CCDC180: variants seen among roughly 807,000 people sequenced by gnomAD.
CCDC180 encodes the protein coiled-coil domain containing 180.
CCDC180 carries 154 observed loss-of-function variants against 209.2 expected under a neutral mutation model. The observed-to-expected ratio is 0.74, with a 90% CI of 0.65 to 0.84. The LOEUF (loss-of-function observed/expected upper bound fraction) is 0.84, where lower values mean the gene tolerates loss of function less well. Ranked by LOEUF, CCDC180 falls within the 40% of genes least tolerant of loss-of-function variation. CCDC180 has a pLI of 0.00. For synonymous variants in CCDC180, 778 were observed against 749.1 expected (o/e 1.04, Z -0.63); for missense variants, 1,874 against 1,997.3 (o/e 0.94, Z 1.18).
intron 8 of CCDC180, among the ~76,000 whole-genome samples, chr9:97,315,428 G>A (rs974169291): frequency 6.6e-6 from 1 of 152,102 alleles, no homozygotes; most frequent in African/African-American, 2.4e-5. Context: ...GCCCATTGCT[G>A]AGCCTGCCTC....
At chr9:97,363,735 T>G (rs1428783885) in intron 28 of CCDC180, 1 of 519,218 alleles carries the variant, frequency 1.9e-6, no homozygotes, top group African/African-American at 1.9e-5. Context: ...CTCAATGTTT[T>G]TTTTTCTTTG....
Position 97,371,603 on chromosome 9 carries a change from C to T in CCDC180, c.4497C>T (p.Thr1499=), listed in dbSNP as rs1827102343. The T allele has an allele frequency of 1.2e-6, 2 of 1,601,630 alleles. No individual in the cohort carries two copies. Among genetic ancestry groups the T allele is most frequent in the Middle Eastern group, 1.7e-4 (1 of 6,016 alleles). Residue 1499 remains threonine (T), a synonymous_variant, in exon 34 of 37, where the codon ACC becomes ACT. Coordinates refer to ENST00000529487, the MANE Select transcript of CCDC180 (RefSeq NM_020893.6). ...CACCATGTTTTTTCCAGGAATGTAC[C>T]AGAAGGAATGGCCAGGTTTTCATAA... ...RMNKEKLEEC[T]RRNGQVFITN...
intron 29 of CCDC180, among the ~76,000 whole-genome samples, chr9:97,364,968 T>G (rs1305607755): frequency 6.6e-6 from 1 of 152,194 alleles, no homozygotes; most frequent in African/African-American, 2.4e-5. Context: ...TGTCAAAAGA[T>G]AAACTCAGGC....
intron 5 of CCDC180, among the ~76,000 whole-genome samples, chr9:97,313,801 C>T (rs1310626222): frequency 3.9e-5 from 6 of 152,214 alleles, no homozygotes; most frequent in African/African-American, 1.4e-4. Context: ...CTCATCTCCA[C>T]ACACACTGGT....
At chr9:97,323,733 G>T in intron 12 of CCDC180, 48 bp from the exon 13 acceptor site, 1 of 1,527,512 alleles carries the variant, frequency 6.5e-7, no homozygotes. Flanking sequence ...TGATGCCTGT[G>T]GGGACCTCAG....
intron 4 of CCDC180, among the ~76,000 whole-genome samples, 187 bp from the exon 5 acceptor site, chr9:97,313,049 C>G (rs576455603): frequency 6.6e-6 from 1 of 152,160 alleles, no homozygotes; most frequent in African/African-American, 2.4e-5. Flanking sequence ...ATATCTGAGG[C>G]CTCGGTCCCT....
intron 22 of CCDC180, 118 bp from the exon 23 acceptor site, chr9:97,354,451 A>G: frequency 2.0e-6 from 2 of 990,108 alleles, no homozygotes; most frequent in East Asian, 4.8e-5. Flanking sequence ...TCATTTTCCC[A>G]CATCTTGAAC....
intron 26 of CCDC180, 97 bp from the exon 27 acceptor site, chr9:97,361,629 A>T (rs1248505360): frequency 5.4e-6 from 7 of 1,303,398 alleles, no homozygotes; most frequent in Non-Finnish European, 7.4e-6. Flanking sequence ...CAGCCACTCC[A>T]CTGAGGCAGG....
intron 36 of CCDC180, chr9:97,375,850 G>A: frequency 2.0e-6 from 1 of 488,768 alleles, no homozygotes; most frequent in Non-Finnish European, 3.6e-6. Context: ...TAGGGGTGAA[G>A]GCTTTCCAAA....
In CCDC180 at chr9:97,371,595, G is replaced by C. The variant is rs137895874; in HGVS notation, c.4489G>C (p.Glu1497Gln). ...MIRMNKEKLE[E>Q]CTRRNGQVFI... ...ACTGTGCTCACCATGTTTTTTCCAG[G>C]AATGTACCAGAAGGAATGGCCAGGT... Residue 1497 changes from glutamate (E) to glutamine (Q), a missense_variant and splice_region_variant, in exon 34 of 37, where the codon GAA becomes CAA. Coordinates refer to ENST00000529487, the MANE Select transcript of CCDC180 (RefSeq NM_020893.6). 3.4e-5 allele frequency: 54 copies of C among 1,595,010 alleles called. No individual in the cohort carries two copies. The highest frequency in any genetic ancestry group is 4.6e-5 in the Non-Finnish European group (54 of 1,164,666).
chr9:97,364,183 G>A, intron 29 of CCDC180, 55 bp downstream of exon 29: 1 of 1,542,482 alleles, frequency 6.5e-7, no homozygotes, highest in Non-Finnish European at 8.9e-7. Context: ...GGGTTGCAGG[G>A]GCAGCAAATG....
chr9:97,311,658 TC>T (rs1204351559), intron 3 of CCDC180, among the ~76,000 whole-genome samples: 1 of 152,190 alleles, frequency 6.6e-6, no homozygotes, highest in Non-Finnish European at 1.5e-5. Context: ...ATTCTGTGGT[TC>T]CTATAAGCCC....
intron 29 of CCDC180, chr9:97,365,459 G>A (rs1258853689): frequency 1.9e-6 from 1 of 527,030 alleles, no homozygotes; most frequent in African/African-American, 1.9e-5. Flanking sequence ...GGGGTCTGAG[G>A]AAGGGCAGGA....
At chr9:97,374,517 G>T (rs746080043) in intron 34 of CCDC180, 26 bp from the exon 35 acceptor site, 14 of 1,577,674 alleles carry the variant, frequency 8.9e-6, no homozygotes, top group Non-Finnish European at 1.2e-5. Flanking sequence ...TGAGGCTGCA[G>T]TCACTAGCCT....
chr9:97,347,415 A>G lies in CCDC180; in HGVS notation c.2600A>G (p.Glu867Gly). Residue 867 changes from glutamate to glycine, a missense_variant, in exon 20 of 37, where the codon GAA becomes GGA. Glu to Gly is a moderately conservative substitution (Grantham distance 98). Coordinates refer to ENST00000529487, the MANE Select transcript of CCDC180 (RefSeq NM_020893.6). ...VATKINELDSELELHLHLHQP... is the reference protein window; with the variant it reads ...VATKINELDSGLELHLHLHQP... ...ACCAAAATCAATGAGCTGGATTCAGAACTGGAGCTGCATCTGCACCTGCAC... is the reference window on the plus strand; with the variant it reads ...ACCAAAATCAATGAGCTGGATTCAGGACTGGAGCTGCATCTGCACCTGCAC... 3 of 1,536,122 alleles carry G rather than the reference A, an allele frequency of 2.0e-6. No homozygotes were observed. The highest frequency in any genetic ancestry group is 2.6e-6 in the Non-Finnish European group (3 of 1,146,918).
chr9:97,333,784 C>A (rs1349702737), intron 18 of CCDC180, among the ~76,000 whole-genome samples: 1 of 151,332 alleles, frequency 6.6e-6, no homozygotes, highest in East Asian at 1.9e-4. Flanking sequence ...TGATCCAATT[C>A]TTTACTCAGA....
intron 2 of CCDC180, among the ~76,000 whole-genome samples, 183 bp from the exon 3 acceptor site, chr9:97,309,231 G>A (rs778055642): frequency 3.9e-5 from 6 of 152,222 alleles, no homozygotes; most frequent in Non-Finnish European, 7.3e-5. Context: ...AAGTGGCTGA[G>A]TGACTGTTAC....
At chr9:97,341,104 G>A (rs1826063947) in intron 18 of CCDC180, among the ~76,000 whole-genome samples, 1 of 152,122 alleles carries the variant, frequency 6.6e-6, no homozygotes, top group Non-Finnish European at 1.5e-5. Flanking sequence ...GGCAGGGAAG[G>A]GCCCCCTGTC....
chr9:97,349,542 A>G (rs1055779409), intron 21 of CCDC180, among the ~76,000 whole-genome samples: 2 of 152,226 alleles, frequency 1.3e-5, no homozygotes, highest in African/African-American at 4.8e-5. Context: ...ACCATGTGCT[A>G]TGAAATATCA....
Sources: gnomAD v4.1 joint callset for allele counts (sites outside exome capture counted in the v4.1 genomes callset) on GRCh38, gnomAD v4.1.1 for gene constraint, MANE v1.5 for transcripts, NCBI Gene and HGNC (gene_info 2026-07-23, HGNC 2026-07-21) for gene names.